FLACC1: variants seen among roughly 807,000 people sequenced by gnomAD.
The protein encoded by FLACC1 is flagellum-associated coiled-coil domain-containing protein 1.
A neutral mutation model predicts 62.8 loss-of-function variants in FLACC1; 66 were observed. That is an observed-to-expected ratio of 1.05 (90% CI 0.86 to 1.29). The LOEUF (loss-of-function observed/expected upper bound fraction) is 1.29. Ranked by LOEUF, FLACC1 falls within the 50% of genes most tolerant of loss-of-function variation. The pLI is 0.00. For missense variants in FLACC1, 452 were observed against 489.1 expected (o/e 0.92, Z 0.71); for synonymous variants, 156 against 161.0 (o/e 0.97, Z 0.24).
intron 7 of FLACC1, among the ~76,000 whole-genome samples, chr2:201,332,863 T>C (rs1195526044): frequency 6.6e-6 from 1 of 152,210 alleles, no homozygotes; most frequent in Non-Finnish European, 1.5e-5. Flanking sequence ...TCCAGTTCCA[T>C]CCATGTTGTC....
At chr2:201,331,560 G>T (rs150558155) in intron 7 of FLACC1, among the ~76,000 whole-genome samples, 47 of 152,282 alleles carry the variant, frequency 3.1e-4, no homozygotes, top group African/African-American at 1.1e-3. Flanking sequence ...GAAAAGACAT[G>T]GAGGAACCTT....
chr2:201,359,077 T>C (rs1364293057), upstream of FLACC1, among the ~76,000 whole-genome samples: 1 of 152,180 alleles, frequency 6.6e-6, no homozygotes, highest in Non-Finnish European at 1.5e-5. Context: ...GACCTGACGA[T>C]GGCCCTGACT....
At chr2:201,341,898 G>A (rs1232405788) in intron 7 of FLACC1, among the ~76,000 whole-genome samples, 1 of 151,960 alleles carries the variant, frequency 6.6e-6, no homozygotes, top group Non-Finnish European at 1.5e-5. Flanking sequence ...ATTTTCTCTT[G>A]ATTTGACTTT....
chr2:201,340,043 A>C (rs1398957876), intron 7 of FLACC1, among the ~76,000 whole-genome samples: 1 of 152,210 alleles, frequency 6.6e-6, no homozygotes, highest in Non-Finnish European at 1.5e-5. Context: ...TAGGTGGTGC[A>C]TGCAGATAGG....
Position 201,293,792 on chromosome 2 carries a change from AAAAG to A in FLACC1, c.943-4011_943-4008del, listed in dbSNP as rs1252606469. On this transcript the variant is annotated intron_variant, in intron 12 of 14. Transcript: ENST00000392257. ...AATGCTAGCAAGACTAATAAAGAAG[AAAAG>A]AGAGAAGAATCAAATAGACGCAAAA... is the stretch of plus-strand genomic sequence containing the variant. Among the ~76,000 whole-genome samples, 4 of 150,090 alleles carry A rather than the reference AAAAG, an allele frequency of 2.7e-5. No individual in the cohort carries two copies. The East Asian group carries it at 7.8e-4, about 29-fold the overall frequency.
intron 11 of FLACC1, among the ~76,000 whole-genome samples, chr2:201,300,209 C>T (rs555141798): frequency 3.3e-5 from 5 of 152,198 alleles, no homozygotes; most frequent in South Asian, 2.1e-4. Flanking sequence ...CCTGGAAAAT[C>T]GGGTCACTCC....
Position 201,346,641 on chromosome 2 carries a change from A to G in FLACC1, c.269T>C (p.Val90Ala). 1.2e-6 allele frequency: 2 copies of G among 1,614,206 alleles called. No individual in the cohort carries two copies. Among genetic ancestry groups the G allele is most frequent in the Non-Finnish European group, 8.5e-7 (1 of 1,180,040 alleles). Reference protein sequence around the residue: ...VINVSPGYQLVRNREQISVTL... With the variant: ...VINVSPGYQLARNREQISVTL... ...GACAGAAATCTGTTCCCGATTCCGAACAAGTTGATAGCCAGGTGACACGTT... is the reference window on the plus strand; with the variant it reads ...GACAGAAATCTGTTCCCGATTCCGAGCAAGTTGATAGCCAGGTGACACGTT... The change falls in exon 5 of 15, where the codon GTT (valine) becomes GCT (alanine). Residue 90 changes from valine to alanine, a missense_variant. Val to Ala is a moderately conservative substitution (Grantham distance 64, BLOSUM62 0). Transcript: ENST00000392257. This position sits in a 1 kb window ranked among gnomAD's most constrained non-coding sequence, Gnocchi z 4.0.
intron 11 of FLACC1, among the ~76,000 whole-genome samples, chr2:201,304,389 T>G (rs1272795113): frequency 3.9e-5 from 6 of 152,106 alleles, no homozygotes; most frequent in Non-Finnish European, 8.8e-5. Flanking sequence ...GTGAAGGACC[T>G]CTTCAAGGAG....
chr2:201,301,325 G>A (rs960176358), intron 11 of FLACC1, among the ~76,000 whole-genome samples: 2 of 152,186 alleles, frequency 1.3e-5, no homozygotes, highest in African/African-American at 4.8e-5. Context: ...GGAAGAAAGG[G>A]TATCAGTGAT....
intron 7 of FLACC1, 65 bp downstream of exon 7, chr2:201,342,304 TC>T: frequency 1.3e-6 from 2 of 1,539,836 alleles, no homozygotes; most frequent in East Asian, 4.5e-5. Context: ...TGAACTAAAA[TC>T]CTGCAAAGGA....
chr2:201,345,450 T>TTGTGTGTG (rs56229607), intron 5 of FLACC1, among the ~76,000 whole-genome samples: 3,022 of 144,162 alleles, frequency 0.021, 43 homozygotes, highest in South Asian at 0.032. Flanking sequence ...AGGTAGATGA[T>TTGTGTGTG]TGTGTGTGTG....
At chr2:201,310,596 T>C (rs1056208356) in intron 9 of FLACC1, among the ~76,000 whole-genome samples, 20 of 152,220 alleles carry the variant, frequency 1.3e-4, no homozygotes, top group African/African-American at 4.1e-4. Context: ...TCCTGGGCCT[T>C]CATCAAATGA....
chr2:201,293,817 C>CA (rs199562054), intron 12 of FLACC1, among the ~76,000 whole-genome samples: 65,237 of 148,658 alleles, frequency 0.44, 16,102 homozygotes, highest in Non-Finnish European at 0.57. Context: ...CAAATAGACG[C>CA]AAAAAAAAAC....
rs1236219352 is a variant in FLACC1, at chr2:201,326,219, A to G, written c.675+4251T>C. Among the ~76,000 whole-genome samples, 2 of 148,446 alleles carry G rather than the reference A, an allele frequency of 1.3e-5. No individual in the cohort carries two copies. Among genetic ancestry groups the G allele is most frequent in the Non-Finnish European group, 3.0e-5 (2 of 67,224 alleles). Reference sequence around the variant, plus strand: ...CCACAGCCAACATCATACTGAATGGAAAAAAGTTGAAAGCATTCCCCTTGA... The same window carrying G: ...CCACAGCCAACATCATACTGAATGGGAAAAAGTTGAAAGCATTCCCCTTGA... On this transcript the variant is annotated intron_variant, in intron 9 of 14. Transcript: ENST00000392257. The surrounding 1 kb of genome is among the most constrained non-coding windows in gnomAD (Gnocchi z 4.1).
Position 201,298,988 on chromosome 2 carries a change from A to C in FLACC1, c.942+250T>G, listed in dbSNP as rs191281303. 1.5e-3 allele frequency among the ~76,000 whole-genome samples: 223 copies of C among 152,370 alleles called. 1 individual carries two copies. Among genetic ancestry groups the C allele is most frequent in the Non-Finnish European group, 2.6e-3 (180 of 68,038 alleles). ...TTGCTAGAAATGAAAGTCATTCAAC[A>C]TTGAAGATCACATAGTATATTGCTG... On this transcript the variant is annotated intron_variant, in intron 12 of 14. Coordinates refer to ENST00000392257, the MANE Select transcript of FLACC1 (RefSeq NM_001127391.3).
chr2:201,361,880 C>T (rs549240379), upstream of FLACC1, among the ~76,000 whole-genome samples: 10 of 152,222 alleles, frequency 6.6e-5, no homozygotes, highest in African/African-American at 1.9e-4. Context: ...ATAACACCTT[C>T]GGGGTGCTTT....
chr2:201,357,738 C>T (rs1951142214), upstream of FLACC1, among the ~76,000 whole-genome samples: 1 of 152,044 alleles, frequency 6.6e-6, no homozygotes, highest in African/African-American at 2.4e-5. Flanking sequence ...GAGTTTAAGG[C>T]TTTGAAATCT....
At chr2:201,353,841 T>C (rs1576485167) in intron 1 of FLACC1, among the ~76,000 whole-genome samples, 1 of 152,312 alleles carries the variant, frequency 6.6e-6, no homozygotes, top group African/African-American at 2.4e-5. Context: ...CAAGGGATTC[T>C]CCTGCCTCGG....
chr2:201,363,761 C>A, the FLACC1 span, among the ~76,000 whole-genome samples: 1 of 152,192 alleles, frequency 6.6e-6, no homozygotes, highest in East Asian at 1.9e-4. Flanking sequence ...GGCTCCATGC[C>A]TAGATAGAGC....
Sources: gnomAD v4.1 joint callset for allele counts (sites outside exome capture counted in the v4.1 genomes callset) on GRCh38, gnomAD v4.1.1 for gene constraint, Gnocchi (gnomAD v3.1) non-coding constraint, MANE v1.5 for transcripts, NCBI Gene and HGNC (gene_info 2026-07-23, HGNC 2026-07-21) for gene names.